The following CSMD2 variants were observed in gnomAD, a reference collection of about 807,000 sequenced individuals.
The protein encoded by CSMD2 is CUB and Sushi multiple domains 2.
Under a neutral mutation model 398.5 loss-of-function variants are expected in CSMD2, and 130 were observed. The ratio of observed to expected loss-of-function variants is 0.33; its 90% CI spans 0.28 to 0.38. The LOEUF is 0.38. Among genes scored for constraint, CSMD2 ranks in the 10% least tolerant of loss-of-function variants. CSMD2 has a pLI of 1.00. For missense variants in CSMD2, 3,829 were observed against 4,764.9 expected (o/e 0.80, Z 5.78); for synonymous variants, 1,828 against 1,908.5 (o/e 0.96, Z 1.10).
intron 12 of CSMD2, among the ~76,000 whole-genome samples, chr1:33,784,514 G>A (rs1041323774): frequency 6.6e-5 from 10 of 152,336 alleles, no homozygotes; most frequent in East Asian, 1.9e-4. Context: ...AGGTTCCAAC[G>A]CACTGTGAGG....
chr1:34,042,804 T>C (rs1652008488), intron 2 of CSMD2, among the ~76,000 whole-genome samples: 1 of 152,168 alleles, frequency 6.6e-6, no homozygotes, highest in Admixed American at 6.5e-5. Context: ...CTTCTATTTT[T>C]TGAGAAGGAG....
intron 5 of CSMD2, among the ~76,000 whole-genome samples, chr1:33,915,511 T>G (rs549993439): frequency 6.6e-6 from 1 of 152,308 alleles, no homozygotes; most frequent in Non-Finnish European, 1.5e-5. Flanking sequence ...CCCTAATAAT[T>G]TCCTCTGCTT....
rs555215237 is a variant in CSMD2, at chr1:33,588,938, C to T, written c.6857-1770G>A. Among the ~76,000 whole-genome samples, 80 of 152,286 alleles carry T rather than the reference C, an allele frequency of 5.3e-4. 1 individual carries two copies. The highest frequency in any genetic ancestry group is 3.4e-3 in the Middle Eastern group (1 of 294). On this transcript the variant is annotated intron_variant, in intron 44 of 70. Transcript: ENST00000373381. ...GAATTGGAGCCCCTTTCCAAAAGTC[C>T]GCATGGGATTCTGACATTTTACCAA...
intron 2 of CSMD2, among the ~76,000 whole-genome samples, chr1:34,075,516 A>C (rs1002588619): frequency 6.6e-6 from 1 of 152,182 alleles, no homozygotes; most frequent in Non-Finnish European, 1.5e-5. Context: ...CTAAAACTAC[A>C]TTGCACCTTA....
intron 3 of CSMD2, among the ~76,000 whole-genome samples, chr1:33,992,838 C>T (rs1029907989): frequency 2.0e-5 from 3 of 147,166 alleles, no homozygotes; most frequent in Non-Finnish European, 4.4e-5. Context: ...GATCGTGCCA[C>T]TGCACTCCAG....
intron 4 of CSMD2, 133 bp from the exon 5 acceptor site, chr1:33,918,434 G>C (rs1643836155): frequency 1.3e-6 from 1 of 744,384 alleles, no homozygotes; most frequent in Non-Finnish European, 2.2e-6. Flanking sequence ...CATAGATAAA[G>C]CAGCAAATGA....
At chr1:34,040,867 G>C (rs192593390) in intron 2 of CSMD2, among the ~76,000 whole-genome samples, 2 of 152,204 alleles carry the variant, frequency 1.3e-5, no homozygotes, top group Admixed American at 6.5e-5. Context: ...GCTTGTGCCT[G>C]TAATCCCAAC....
At chr1:33,764,025 A>G (rs965347665) in intron 13 of CSMD2, among the ~76,000 whole-genome samples, 1 of 152,132 alleles carries the variant, frequency 6.6e-6, no homozygotes, top group Non-Finnish European at 1.5e-5. Context: ...GGTCAAGGAT[A>G]TACTTTGCCG....
intron 2 of CSMD2, among the ~76,000 whole-genome samples, chr1:34,050,571 G>A (rs1024823472): frequency 1.2e-4 from 19 of 152,170 alleles, no homozygotes; most frequent in African/African-American, 4.3e-4. Flanking sequence ...TGCCAGCTAG[G>A]TGGCAATACC....
At chr1:33,609,128 A>G (rs1640830406) in intron 41 of CSMD2, among the ~76,000 whole-genome samples, 2 of 152,180 alleles carry the variant, frequency 1.3e-5, no homozygotes, top group Admixed American at 1.3e-4. Context: ...AACACCAGTG[A>G]AGTGGCTCTG....
At chr1:34,108,281 G>C (rs1393182679) in intron 1 of CSMD2, among the ~76,000 whole-genome samples, 5 of 151,386 alleles carry the variant, frequency 3.3e-5, no homozygotes, top group Admixed American at 6.6e-5. Context: ...ATGAGAGAGA[G>C]AGAAAAAAAA....
At chr1:34,132,939 TACAC>T (rs1296228923) in intron 1 of CSMD2, among the ~76,000 whole-genome samples, 3 of 150,506 alleles carry the variant, frequency 2.0e-5, no homozygotes, top group African/African-American at 7.3e-5. Context: ...ATAAATTTTA[TACAC>T]ACACACAAAC....
At chr1:33,908,297 C>T (rs1643240948) in intron 5 of CSMD2, among the ~76,000 whole-genome samples, 1 of 152,120 alleles carries the variant, frequency 6.6e-6, no homozygotes, top group Non-Finnish European at 1.5e-5. Flanking sequence ...AGGAGGGGGC[C>T]TTGAACATTC....
At chr1:33,705,514 T>G (rs1645745394) in intron 22 of CSMD2, among the ~76,000 whole-genome samples, 2 of 152,196 alleles carry the variant, frequency 1.3e-5, no homozygotes, top group Admixed American at 1.3e-4. Context: ...TTTTCTCTCT[T>G]CTGAAGAGTT....
chr1:33,825,808 T>C (rs1658738506), intron 6 of CSMD2, 34 bp from the exon 7 acceptor site: 2 of 1,569,606 alleles, frequency 1.3e-6, no homozygotes, highest in Non-Finnish European at 8.7e-7. Flanking sequence ...ACAATGTGAG[T>C]TGTTGCCTGT....
chr1:33,720,477 C>A (rs757875610), intron 19 of CSMD2, among the ~76,000 whole-genome samples: 11 of 152,098 alleles, frequency 7.2e-5, no homozygotes, highest in Non-Finnish European at 1.3e-4. Flanking sequence ...GCTGGCCAGG[C>A]AAGGGCAACG....
chr1:33,763,973 G>T (rs1017790876), intron 13 of CSMD2, among the ~76,000 whole-genome samples: 6 of 152,162 alleles, frequency 3.9e-5, no homozygotes, highest in African/African-American at 1.4e-4. Flanking sequence ...AGTCTCTGCT[G>T]TGAGACTGAA....
At chr1:33,796,627 C>T (rs1444095021) in intron 10 of CSMD2, among the ~76,000 whole-genome samples, 6 of 151,930 alleles carry the variant, frequency 3.9e-5, no homozygotes, top group Non-Finnish European at 7.4e-5. Context: ...GATTGTAAAA[C>T]GTGTGTTTGA....
At chr1:33,543,135 T>C (rs1202364655) in intron 57 of CSMD2, among the ~76,000 whole-genome samples, 3 of 152,220 alleles carry the variant, frequency 2.0e-5, no homozygotes, top group Admixed American at 2.0e-4. Flanking sequence ...ATCTATTCTA[T>C]TATCGTCCTT....
Sources: gnomAD v4.1 joint callset for allele counts (sites outside exome capture counted in the v4.1 genomes callset) on GRCh38, gnomAD v4.1.1 for gene constraint, MANE v1.5 for transcripts, NCBI Gene and HGNC (gene_info 2026-07-23, HGNC 2026-07-21) for gene names.